Variants in PHF2 observed in about 807,000 individuals in gnomAD.
PHF2 encodes the protein PHD finger protein 2.
A neutral mutation model predicts 120.5 loss-of-function variants in PHF2; 27 were observed. The ratio of observed to expected loss-of-function variants is 0.22; its 90% CI spans 0.17 to 0.31. The LOEUF is 0.31. Ranked by LOEUF, PHF2 falls within the 10% of genes least tolerant of loss-of-function variation. The pLI is 1.00. For missense variants in PHF2, 1,024 were observed against 1,434.8 expected (o/e 0.71, Z 4.63); for synonymous variants, 568 against 592.5 (o/e 0.96, Z 0.60).
At position 93,636,394 on chromosome 9, in the gene PHF2, T is replaced by A; in HGVS notation, c.185-17T>A. 1 of 1,586,208 alleles carries A rather than the reference T, an allele frequency of 6.3e-7. No homozygotes were observed. Among genetic ancestry groups the A allele is most frequent in the South Asian group, 1.1e-5 (1 of 87,396 alleles). ...GCTGCGCTGTGTGACCGACCTTGCT[T>A]CCGGTCTCCTCCACAGTAAAGAAGA... On this transcript the variant is annotated splice_polypyrimidine_tract_variant and intron_variant, in intron 2 of 21. Coordinates refer to ENST00000359246, the MANE Select transcript of PHF2 (RefSeq NM_005392.4).
At chr9:93,631,803 T>TGGG (rs3080731) in intron 2 of PHF2, among the ~76,000 whole-genome samples, 97,880 of 151,404 alleles carry the variant, frequency 0.65, 32,122 homozygotes, top group African/African-American at 0.69. Flanking sequence ...CTACCTGAGT[T>TGGG]GGGCTTGGGA....
chr9:93,595,587 G>A (rs946393294), intron 1 of PHF2, among the ~76,000 whole-genome samples: 68 of 152,244 alleles, frequency 4.5e-4, no homozygotes, highest in Admixed American at 6.5e-5. Flanking sequence ...ATGTCTGAGC[G>A]TTGTGCATGG....
chr9:93,660,633 T>G lies in PHF2; in HGVS notation c.1698+73T>G, dbSNP rs1587713308. ...CAGCATCTCTTGTGGGCCAGTCCCA[T>G]GGAGATAGCTAGGGCCCATTGTCCT... is the stretch of plus-strand genomic sequence containing the variant. On this transcript the variant is annotated intron_variant, in intron 12 of 21. Transcript: ENST00000359246. The G allele has an allele frequency of 5.8e-6, 8 of 1,372,954 alleles. No individual in the cohort carries two copies. In the East Asian group the frequency reaches 2.0e-4, roughly 34 times the overall value. 85.0% of individuals were successfully genotyped at this position (1,372,954 alleles called of 1,614,324 possible).
intron 5 of PHF2, among the ~76,000 whole-genome samples, chr9:93,649,755 C>T (rs937556996): frequency 2.6e-5 from 4 of 152,062 alleles, no homozygotes; most frequent in Non-Finnish European, 4.4e-5. Context: ...CCCTCACATT[C>T]GCTCATGGAC....
intron 1 of PHF2, among the ~76,000 whole-genome samples, chr9:93,577,859 A>G (rs538986793): frequency 2.0e-5 from 3 of 152,148 alleles, no homozygotes; most frequent in African/African-American, 7.2e-5. Context: ...GTGTTGCCCA[A>G]ACTGCTCCAA....
chr9:93,627,509 G>GTTT (rs1825934044), intron 1 of PHF2, among the ~76,000 whole-genome samples: 1 of 34,520 alleles, frequency 2.9e-5, no homozygotes, highest in Non-Finnish European at 5.7e-5. Flanking sequence ...TTTTTTTTTT[G>GTTT]TCTAATTGCT....
At chr9:93,578,909 G>A (rs1862884599) in intron 1 of PHF2, among the ~76,000 whole-genome samples, 1 of 152,192 alleles carries the variant, frequency 6.6e-6, no homozygotes, top group African/African-American at 2.4e-5. Context: ...CCTATTTGGG[G>A]TGGCTGTGGG....
At chr9:93,647,193 G>A (rs1047479347) in intron 4 of PHF2, among the ~76,000 whole-genome samples, 1 of 152,212 alleles carries the variant, frequency 6.6e-6, no homozygotes, top group Admixed American at 6.5e-5. Flanking sequence ...GTGCACACAG[G>A]ATAACAGCTA....
rs1826931996 is a variant in PHF2 at position 93,677,088 on chromosome 9, T to A, written c.3202+125T>A. 9.3e-7 allele frequency: 1 copy of A among 1,070,246 alleles called. No individual in the cohort carries two copies. The highest frequency in any genetic ancestry group is 1.6e-5 in the African/African-American group (1 of 61,758). The allele number at this position is 1,070,246 out of a possible 1,614,324, so 66.3% of individuals were successfully genotyped here. Reference sequence around the variant, plus strand: ...ATTGGGAGGGCTCCTGGGCCTTGGGTGGCAGGGTGCTGTGGTCCAAGTTGG... The same window carrying A: ...ATTGGGAGGGCTCCTGGGCCTTGGGAGGCAGGGTGCTGTGGTCCAAGTTGG... On this transcript the variant is annotated intron_variant, in intron 21 of 21. Coordinates refer to ENST00000359246, the MANE Select transcript of PHF2 (RefSeq NM_005392.4). This position sits in a 1 kb window ranked among gnomAD's most constrained non-coding sequence, Gnocchi z 4.4.
At chr9:93,632,339 T>C (rs949859215) in intron 2 of PHF2, among the ~76,000 whole-genome samples, 2 of 152,222 alleles carry the variant, frequency 1.3e-5, no homozygotes, top group Non-Finnish European at 2.9e-5. Context: ...TGTGTGTGCA[T>C]GTACATGTAT....
chr9:93,578,827 CTCCTTTTTTTCTTATTTGAGG>C (rs1403026043), intron 1 of PHF2, among the ~76,000 whole-genome samples: 1 of 152,186 alleles, frequency 6.6e-6, no homozygotes, highest in African/African-American at 2.4e-5. Flanking sequence ...GAGGCTCTAG[CTCCTTTTTTTCTTATTTGAGG>C]TCTCTGATTG....
At chr9:93,649,035 C>T (rs1211336104) in intron 4 of PHF2, 36 bp from the exon 5 acceptor site, 3 of 1,549,310 alleles carry the variant, frequency 1.9e-6, no homozygotes, top group Non-Finnish European at 2.6e-6. Context: ...GTGCCGCCTT[C>T]CCAGGGTGCT....
chr9:93,673,398 G>C (rs990393613), intron 17 of PHF2, among the ~76,000 whole-genome samples, 187 bp from the exon 18 acceptor site: 13 of 152,078 alleles, frequency 8.5e-5, no homozygotes, highest in Non-Finnish European at 2.9e-5. Context: ...CTGGATGAGG[G>C]GAGTGGCTGG....
At chr9:93,642,336 A>G (rs942374241) in intron 3 of PHF2, among the ~76,000 whole-genome samples, 6 of 152,268 alleles carry the variant, frequency 3.9e-5, no homozygotes, top group Non-Finnish European at 1.5e-5. Flanking sequence ...GATAGGGATT[A>G]TGTGGAATCT....
intron 2 of PHF2, among the ~76,000 whole-genome samples, chr9:93,632,275 A>G (rs1826014605): frequency 6.6e-6 from 1 of 152,130 alleles, no homozygotes; most frequent in Non-Finnish European, 1.5e-5. Context: ...ACTAGCAGAC[A>G]GTGCTGAGGT....
chr9:93,609,381 A>G (rs751383989), intron 1 of PHF2, among the ~76,000 whole-genome samples: 15 of 152,122 alleles, frequency 9.9e-5, no homozygotes, highest in Non-Finnish European at 1.9e-4. Context: ...CTTTCTTTCT[A>G]CAGATTCTAA....
At chr9:93,618,368 C>T (rs149318230) in intron 1 of PHF2, among the ~76,000 whole-genome samples, 1 of 152,356 alleles carries the variant, frequency 6.6e-6, no homozygotes, top group Non-Finnish European at 1.5e-5. Context: ...TAGACAGATG[C>T]ACACAGACAT....
intron 10 of PHF2, 103 bp from the exon 11 acceptor site, chr9:93,659,408 A>G: frequency 1.3e-5 from 12 of 924,720 alleles, no homozygotes; most frequent in Non-Finnish European, 1.6e-5. Context: ...CCTCATGCTC[A>G]TCTGAGTGGC....
chr9:93,619,703 C>T (rs562911979), intron 1 of PHF2, among the ~76,000 whole-genome samples: 1 of 152,366 alleles, frequency 6.6e-6, no homozygotes, highest in Admixed American at 6.5e-5. Flanking sequence ...GCTACCCAGC[C>T]CTGGTGGGCC....
Sources: gnomAD v4.1 joint callset for allele counts (sites outside exome capture counted in the v4.1 genomes callset) on GRCh38, gnomAD v4.1.1 for gene constraint, Gnocchi (gnomAD v3.1) non-coding constraint, MANE v1.5 for transcripts, NCBI Gene and HGNC (gene_info 2026-07-23, HGNC 2026-07-21) for gene names.